The following IL1RAPL2 variants were observed in gnomAD, a reference collection of about 807,000 sequenced individuals.
IL1RAPL2 encodes interleukin 1 receptor accessory protein like 2.
IL1RAPL2 carries 3 observed loss-of-function variants against 44.1 expected under a neutral mutation model. That is an observed-to-expected ratio of 0.07 (90% CI 0.03 to 0.18). The LOEUF (loss-of-function observed/expected upper bound fraction) is 0.18. IL1RAPL2 is among the 10% of genes least tolerant of loss of function. The pLI is 1.00. For missense variants in IL1RAPL2, 391 were observed against 496.4 expected, an observed-to-expected ratio of 0.79 and a Z score of 2.02; for synonymous variants, 181 against 178.8, an observed-to-expected ratio of 1.01 and a Z score of -0.10.
At chrX:105,267,084 A>C (rs1296897274) in intron 4 of IL1RAPL2, among the ~76,000 whole-genome samples, 1 of 111,452 alleles carries the variant, frequency 9.0e-6, no homozygotes, top group Non-Finnish European at 1.9e-5. Context: ...AGGTTCTGCT[A>C]TACCTCTCTT....
rs140708112 is a variant in IL1RAPL2 at position 105,371,912 on chromosome X, G to A, written c.697+104371G>A. Among the ~76,000 whole-genome samples, 471 of 111,462 alleles carry A rather than the reference G, an allele frequency of 4.2e-3. 5 individuals are homozygous for A. The highest frequency in any genetic ancestry group is 0.014 in the African/African-American group (443 of 30,689). ...TCCTTGATATCTGAGATGATATCCCGTTCAGGGAATGGAAGTAGTTGAGGA... is the reference window on the plus strand; with the variant it reads ...TCCTTGATATCTGAGATGATATCCCATTCAGGGAATGGAAGTAGTTGAGGA... On this transcript the variant is annotated intron_variant, in intron 5 of 10. Coordinates refer to ENST00000372582, the MANE Select transcript of IL1RAPL2 (RefSeq NM_017416.2).
rs193258911 is a variant in IL1RAPL2, at chrX:104,872,027, T to G, written c.82+213032T>G. Among the ~76,000 whole-genome samples, 49 of 111,868 alleles carry G rather than the reference T, an allele frequency of 4.4e-4. No homozygotes were observed. The East Asian group carries it at 5.9e-3, about 13-fold the overall frequency. On this transcript the variant is annotated intron_variant, in intron 2 of 10. Transcript: ENST00000372582. ...TGTTGAGAAGCCTTGTATAGTGTTG[T>G]GTATAAATTCTGGCCAAGATGATGG...
intron 2 of IL1RAPL2, among the ~76,000 whole-genome samples, chrX:104,889,376 G>A (rs929605108): frequency 4.5e-5 from 5 of 111,587 alleles, no homozygotes; most frequent in Admixed American, 9.5e-5. Flanking sequence ...CCTTCCACCC[G>A]CTCACCAGAG....
At chrX:105,149,831 C>T (rs1317967935) in intron 2 of IL1RAPL2, among the ~76,000 whole-genome samples, 5 of 107,787 alleles carry the variant, frequency 4.6e-5, no homozygotes, top group African/African-American at 1.7e-4. Context: ...GAGACTCCAT[C>T]TCAAAAATAA....
intron 6 of IL1RAPL2, among the ~76,000 whole-genome samples, chrX:105,504,407 T>G (rs7892424): frequency 0.22 from 24,029 of 111,090 alleles, 6,334 homozygotes; most frequent in African/African-American, 0.75. Context: ...CTATCTTAAG[T>G]CCATAGGGCT....
At chrX:104,618,450 C>T (rs1397272660) in intron 1 of IL1RAPL2, among the ~76,000 whole-genome samples, 1 of 112,013 alleles carries the variant, frequency 8.9e-6, no homozygotes, top group African/African-American at 3.2e-5. Context: ...CAGAGGTGTG[C>T]CTACGTATGG....
chrX:104,825,763 C>T (rs1196033878), intron 2 of IL1RAPL2, among the ~76,000 whole-genome samples: 2 of 111,941 alleles, frequency 1.8e-5, no homozygotes, highest in Non-Finnish European at 3.8e-5. Flanking sequence ...GCATAACAAA[C>T]CACCTGAAAC....
At chrX:104,609,178 C>T (rs1929088150) in intron 1 of IL1RAPL2, among the ~76,000 whole-genome samples, 2 of 112,145 alleles carry the variant, frequency 1.8e-5, no homozygotes, top group African/African-American at 6.5e-5. Flanking sequence ...TGAATATTGG[C>T]CCCCACTCTC....
At chrX:104,948,289 T>C (rs1356528654) in intron 2 of IL1RAPL2, among the ~76,000 whole-genome samples, 1 of 109,574 alleles carries the variant, frequency 9.1e-6, no homozygotes, top group Non-Finnish European at 1.9e-5. Context: ...CTTTGCTGAA[T>C]TTGCTTATCA....
chrX:105,088,422 AATATCCTTTCATAGAT>A (rs2147553079), intron 2 of IL1RAPL2, among the ~76,000 whole-genome samples: 1 of 112,046 alleles, frequency 8.9e-6, no homozygotes, highest in African/African-American at 3.2e-5. Flanking sequence ...TTTTCTTAGC[AATATCCTTTCATAGAT>A]ATATCCTTTC....
At chrX:105,032,452 A>G (rs1165660818) in intron 2 of IL1RAPL2, among the ~76,000 whole-genome samples, 2 of 110,538 alleles carry the variant, frequency 1.8e-5, no homozygotes, top group Non-Finnish European at 3.8e-5. Flanking sequence ...GTTTCAAAGA[A>G]CATCTTTATT....
intron 5 of IL1RAPL2, among the ~76,000 whole-genome samples, chrX:105,275,322 A>G: frequency 8.9e-6 from 1 of 112,266 alleles, no homozygotes; most frequent in Middle Eastern, 4.6e-3. Context: ...AAGTTTCCAC[A>G]GAACAAACTT....
At chrX:105,240,862 C>T (rs1275834462) in intron 4 of IL1RAPL2, among the ~76,000 whole-genome samples, 2 of 111,444 alleles carry the variant, frequency 1.8e-5, no homozygotes, top group Admixed American at 9.6e-5. Context: ...TGGTAGCTAA[C>T]GCCTGTCATC....
chrX:104,914,015 T>G, intron 2 of IL1RAPL2, among the ~76,000 whole-genome samples: 1 of 111,662 alleles, frequency 9.0e-6, no homozygotes, highest in Middle Eastern at 4.6e-3. Context: ...TCAAATTTAT[T>G]TTAAAATAGG....
At position 105,506,270 on chromosome X, in the gene IL1RAPL2, A is replaced by C. The variant is rs1163186585; in HGVS notation, c.772+21883A>C. 2.7e-5 allele frequency among the ~76,000 whole-genome samples: 3 copies of C among 111,512 alleles called. No homozygotes were observed. In the East Asian group the frequency reaches 8.5e-4, roughly 32 times the overall value. ...GAACAATGATTTATTATTTCTCATG[A>C]TGCCATGGGTGTCCAGGTGGTTCTC... On this transcript the variant is annotated intron_variant, in intron 6 of 10. Transcript: ENST00000372582.
chrX:104,771,286 G>A (rs1160755644), intron 2 of IL1RAPL2, among the ~76,000 whole-genome samples: 1 of 112,427 alleles, frequency 8.9e-6, no homozygotes, highest in Non-Finnish European at 1.9e-5. Context: ...CACCAGGGAT[G>A]TTGGGCAGAA....
intron 2 of IL1RAPL2, among the ~76,000 whole-genome samples, chrX:105,036,719 A>C (rs2031635888): frequency 8.9e-6 from 1 of 111,800 alleles, no homozygotes. Flanking sequence ...GAATTCCCCA[A>C]ATTTCACGAA....
chrX:105,289,775 T>C (rs2147668153), intron 5 of IL1RAPL2, among the ~76,000 whole-genome samples: 1 of 111,484 alleles, frequency 9.0e-6, no homozygotes, highest in East Asian at 2.8e-4. Flanking sequence ...GGGAGAAGTC[T>C]ACCATGGAGA....
chrX:104,955,382 A>C (rs1206972284), intron 2 of IL1RAPL2, among the ~76,000 whole-genome samples: 1 of 109,862 alleles, frequency 9.1e-6, no homozygotes, highest in Non-Finnish European at 1.9e-5. Flanking sequence ...CTATGTAGAT[A>C]GTCCTTTCTA....
Sources: allele counts gnomAD v4.1 joint callset (sites outside exome capture counted in the v4.1 genomes callset), GRCh38; gene constraint gnomAD v4.1.1; transcripts MANE v1.5; gene names NCBI Gene and HGNC (gene_info 2026-07-23, HGNC 2026-07-21).